Variants in SNTG2 observed in about 807,000 individuals in gnomAD.
SNTG2 encodes gamma-2-syntrophin.
In SNTG2, 74 loss-of-function variants were observed where a neutral mutation model predicts 70.9. The observed-to-expected ratio is 1.04, with a 90% CI of 0.86 to 1.27. The LOEUF (loss-of-function observed/expected upper bound fraction) is 1.27, where lower values mean the gene tolerates loss of function less well. Ranked by LOEUF, SNTG2 falls within the 50% of genes most tolerant of loss-of-function variation. SNTG2 has a pLI of 0.00. For missense variants in SNTG2, 717 were observed against 690.7 expected (o/e 1.04, Z -0.43); for synonymous variants, 278 against 273.8 (o/e 1.02, Z -0.15).
chr2:953,308 A>G (rs552678925), intron 1 of SNTG2, among the ~76,000 whole-genome samples: 2 of 152,348 alleles, frequency 1.3e-5, no homozygotes, highest in African/African-American at 4.8e-5. Flanking sequence ...TTCAAAGACT[A>G]CTATTGGTTG....
At chr2:954,220 G>A (rs1660071512) in intron 1 of SNTG2, among the ~76,000 whole-genome samples, 2 of 152,120 alleles carry the variant, frequency 1.3e-5, no homozygotes, top group Non-Finnish European at 2.9e-5. Flanking sequence ...AAGGAAGGAG[G>A]GAGATCAGGG....
intron 8 of SNTG2, among the ~76,000 whole-genome samples, chr2:1,208,098 A>G (rs1455715094): frequency 6.6e-6 from 1 of 152,214 alleles, no homozygotes; most frequent in East Asian, 1.9e-4. Context: ...TTCCAGGTGC[A>G]ACAGTCCCTG....
intron 1 of SNTG2, among the ~76,000 whole-genome samples, chr2:974,309 T>C (rs759207902): frequency 1.2e-4 from 19 of 152,158 alleles, no homozygotes; most frequent in Non-Finnish European, 2.5e-4. Context: ...CCACATGGTG[T>C]AGCAGGACCC....
At chr2:1,149,739 G>C (rs1327579018) in intron 6 of SNTG2, among the ~76,000 whole-genome samples, 3 of 148,794 alleles carry the variant, frequency 2.0e-5, no homozygotes, top group Admixed American at 6.9e-5. Flanking sequence ...CCAGGCTGGA[G>C]TGCAGTGGTG....
intron 8 of SNTG2, among the ~76,000 whole-genome samples, chr2:1,190,978 C>T (rs904475031): frequency 6.6e-6 from 1 of 152,082 alleles, no homozygotes; most frequent in Admixed American, 6.5e-5. Flanking sequence ...ATACAAACAC[C>T]AGAGCTGAAT....
chr2:1,069,243 C>T (rs886650460), intron 1 of SNTG2, among the ~76,000 whole-genome samples: 3 of 151,782 alleles, frequency 2.0e-5, no homozygotes, highest in South Asian at 2.1e-4. Flanking sequence ...CTGCTTTGTT[C>T]TGAGCTGAAC....
chr2:1,283,708 G>A (rs978770097), intron 14 of SNTG2, among the ~76,000 whole-genome samples: 3 of 152,086 alleles, frequency 2.0e-5, no homozygotes, highest in Admixed American at 2.0e-4. Context: ...CCTCCCTCTC[G>A]CATGGGACGT....
At chr2:1,331,852 A>G (rs1012489999) in intron 16 of SNTG2, among the ~76,000 whole-genome samples, 1 of 152,196 alleles carries the variant, frequency 6.6e-6, no homozygotes, top group Non-Finnish European at 1.5e-5. Flanking sequence ...ATGTTCAGAA[A>G]AATGCACACT....
intron 14 of SNTG2, among the ~76,000 whole-genome samples, chr2:1,287,101 C>T (rs1303789832): frequency 6.6e-6 from 1 of 152,170 alleles, no homozygotes; most frequent in Non-Finnish European, 1.5e-5. Flanking sequence ...AGGAGAATAT[C>T]TTTGCTCACT....
intron 11 of SNTG2, among the ~76,000 whole-genome samples, chr2:1,239,988 A>G (rs1676944281): frequency 6.6e-6 from 1 of 152,206 alleles, no homozygotes; most frequent in Non-Finnish European, 1.5e-5. Flanking sequence ...CTGTGGGAAT[A>G]GCATAGGTCA....
At chr2:1,059,541 TA>T in intron 1 of SNTG2, among the ~76,000 whole-genome samples, 1 of 152,334 alleles carries the variant, frequency 6.6e-6, no homozygotes, top group South Asian at 2.1e-4. Flanking sequence ...TTTGGAACTT[TA>T]ATCTTTTGGA....
At chr2:981,437 CAT>C (rs760996937) in intron 1 of SNTG2, among the ~76,000 whole-genome samples, 1 of 151,452 alleles carries the variant, frequency 6.6e-6, no homozygotes, top group Non-Finnish European at 1.5e-5. Context: ...TGTGCACACA[CAT>C]GCACAACACA....
At chr2:1,225,471 T>C (rs985979285) in intron 9 of SNTG2, among the ~76,000 whole-genome samples, 1 of 152,206 alleles carries the variant, frequency 6.6e-6, no homozygotes, top group African/African-American at 2.4e-5. Flanking sequence ...GGTCGTAAAG[T>C]AAGCCGCAGA....
At chr2:1,238,641 T>G (rs1276573734) in intron 10 of SNTG2, among the ~76,000 whole-genome samples, 1 of 152,194 alleles carries the variant, frequency 6.6e-6, no homozygotes, top group Non-Finnish European at 1.5e-5. Context: ...GTGCCTGGAC[T>G]CGGACATGGA....
In SNTG2 at chr2:1,273,201, G is replaced by A. The variant is rs111925509; in HGVS notation, c.1284+5630G>A. Among the ~76,000 whole-genome samples, 397 of 152,230 alleles carry A rather than the reference G, an allele frequency of 2.6e-3. 4 individuals are homozygous for A. Among genetic ancestry groups the A allele is most frequent in the African/African-American group, 9.3e-3 (387 of 41,550 alleles). ...CCTTGGTAGGAGCATTCTCCCTAAT[G>A]GGCCCGTCTTTCCCTCCTGCTCCAT... On this transcript the variant is annotated intron_variant, in intron 14 of 16. Transcript: ENST00000308624.
intron 1 of SNTG2, among the ~76,000 whole-genome samples, chr2:1,019,726 C>T (rs1401209098): frequency 6.6e-6 from 1 of 152,134 alleles, no homozygotes; most frequent in Non-Finnish European, 1.5e-5. Context: ...GCTAAGGAGG[C>T]TCATGCGAGG....
chr2:1,280,460 GT>G (rs530744748), intron 14 of SNTG2, among the ~76,000 whole-genome samples: 325 of 152,122 alleles, frequency 2.1e-3, no homozygotes, highest in African/African-American at 7.3e-3. Context: ...TAAATGTTTC[GT>G]TTTCCTTAAA....
rs570351106 is a variant in SNTG2, at chr2:1,153,584, A to G, written c.412-11964A>G. Among the ~76,000 whole-genome samples, 85 of 152,344 alleles carry G rather than the reference A, an allele frequency of 5.6e-4. 1 individual carries two copies. The South Asian group carries it at 0.017, about 30-fold the overall frequency. Reference sequence around the variant, plus strand: ...CCACAAAGGGAAAGCCTCACGGAAAAGCTTAAATGCACTTGTCTAAGTGCA... The same window carrying G: ...CCACAAAGGGAAAGCCTCACGGAAAGGCTTAAATGCACTTGTCTAAGTGCA... On this transcript the variant is annotated intron_variant, in intron 6 of 16. Coordinates refer to ENST00000308624, the MANE Select transcript of SNTG2 (RefSeq NM_018968.4).
intron 2 of SNTG2, among the ~76,000 whole-genome samples, chr2:1,090,032 A>G (rs1244356220): frequency 2.6e-5 from 4 of 152,148 alleles, no homozygotes; most frequent in African/African-American, 4.8e-5. Flanking sequence ...TTCTTCCTTC[A>G]TACGCATTTT....
Sources: allele counts gnomAD v4.1 joint callset (sites outside exome capture counted in the v4.1 genomes callset), GRCh38; gene constraint gnomAD v4.1.1; transcripts MANE v1.5; gene names NCBI Gene and HGNC (gene_info 2026-07-23, HGNC 2026-07-21).